GRM6: variants seen among roughly 807,000 people sequenced by gnomAD.
GRM6 encodes the protein metabotropic glutamate receptor 6.
A neutral mutation model predicts 78.4 loss-of-function variants in GRM6; 73 were observed. That is an observed-to-expected ratio of 0.93 (90% CI 0.77 to 1.13). The LOEUF (loss-of-function observed/expected upper bound fraction) is 1.13. GRM6 is among the 50% of genes most tolerant of loss of function. The probability of loss-of-function intolerance (pLI) is 0.00; values close to 1 mark genes in which losing one functional copy is unlikely to be tolerated. For missense variants in GRM6, 1,251 were observed against 1,256.4 expected (o/e 1.00, Z 0.07); for synonymous variants, 580 against 555.0 (o/e 1.05, Z -0.63).
In GRM6 at chr5:178,983,252, C is replaced by T. The variant is rs770654927; in HGVS notation, c.2125-31G>A. Reference sequence around the variant, plus strand: ...GGAGCCAACACTGCATCAGACACAGCACTTTCCAGGGACAAATCCATTCCA... The same window carrying T: ...GGAGCCAACACTGCATCAGACACAGTACTTTCCAGGGACAAATCCATTCCA... On this transcript the variant is annotated intron_variant, in intron 9 of 10. Transcript: ENST00000517717. 3.8e-6 allele frequency: 6 copies of T among 1,585,294 alleles called. No individual in the cohort carries two copies. The Admixed American group carries it at 8.3e-5, about 22-fold the overall frequency.
chr5:178,983,182 G>A lies in GRM6; in HGVS notation c.2164C>T (p.His722Tyr), dbSNP rs1423369858. 1.2e-6 allele frequency: 2 copies of A among 1,613,280 alleles called. No homozygotes were observed. The highest frequency in any genetic ancestry group is 1.3e-5 in the African/African-American group (1 of 74,940). Residue 722 changes from histidine (H) to tyrosine (Y), a missense_variant, in exon 10 of 11, where the codon CAC becomes TAC. Transcript: ENST00000517717. ...TGTTCCTCATAGTCAATCACGCTGT[G>A]TGGGGGCCGGGCCCCCAGCCATGCT... The part of the protein sequence containing the change: ...MIAWLGARPP[H>Y]SVIDYEEQRT...
rs1045899237 is a variant in GRM6, at chr5:178,988,329, C to A, written c.1354+606G>T. ...TGGAATTGATTAGCAGAGAGCATGGCGGAGAGAAGGTGGTGAGTGAGTGTT... is the reference window on the plus strand; with the variant it reads ...TGGAATTGATTAGCAGAGAGCATGGAGGAGAGAAGGTGGTGAGTGAGTGTT... On this transcript the variant is annotated intron_variant, in intron 7 of 10. Coordinates refer to ENST00000517717, the MANE Select transcript of GRM6 (RefSeq NM_000843.4). The surrounding 1 kb of genome is among the most constrained non-coding windows in gnomAD (Gnocchi z 6.0). Among the ~76,000 whole-genome samples the A allele has an allele frequency of 6.6e-6, 1 of 152,090 alleles. No individual in the cohort carries two copies. Among genetic ancestry groups the A allele is most frequent in the African/African-American group, 2.4e-5 (1 of 41,398 alleles).
In GRM6 at chr5:178,983,351, G is replaced by A. The variant is rs541571443; in HGVS notation, c.2125-130C>T. 2.3e-4 allele frequency: 191 copies of A among 823,140 alleles called. 1 individual carries two copies. The Middle Eastern group carries it at 2.4e-3, about 10-fold the overall frequency. 51.0% of individuals were successfully genotyped at this position (823,140 alleles called of 1,614,324 possible). On this transcript the variant is annotated intron_variant, in intron 9 of 10. Coordinates refer to ENST00000517717, the MANE Select transcript of GRM6 (RefSeq NM_000843.4). The stretch of plus-strand genomic sequence containing the variant: ...TATGGAGGGGATGCTCCACCTCTTC[G>A]TGGTGGCTCTCAGGAGCACTCAGTG...
In GRM6 at chr5:178,994,654, G is replaced by C; in HGVS notation, c.291C>G (p.Asp97Glu). 1 of 1,466,252 alleles carries C rather than the reference G, an allele frequency of 6.8e-7. No homozygotes were observed. Among genetic ancestry groups the C allele is most frequent in the Non-Finnish European group, 9.0e-7 (1 of 1,111,928 alleles). 90.8% of individuals were successfully genotyped at this position (1,466,252 alleles called of 1,614,324 possible). A position where few individuals can be genotyped will look rare whatever the true frequency, so the allele number is the denominator to read the frequency against. Residue 97 changes from aspartate (D) to glutamate (E), a missense_variant, in exon 2 of 11, where the codon GAC (aspartate) becomes GAG (glutamate). Coordinates refer to ENST00000517717, the MANE Select transcript of GRM6 (RefSeq NM_000843.4). ...PGVRLGARLL[D>E]TCSRDTYALE... Reference sequence around the variant, plus strand: ...GCGCGTAGGTGTCCCGCGAGCAGGTGTCCAGCAGCCGCGCGCCCAGGCGCA... The same window carrying C: ...GCGCGTAGGTGTCCCGCGAGCAGGTCTCCAGCAGCCGCGCGCCCAGGCGCA...
Position 178,992,732 on chromosome 5 carries a change from A to G in GRM6, c.505-649T>C, listed in dbSNP as rs1237021739. ...ATGGGGCTCCAGCGCAAGAGGGGCT[A>G]TAGCAGGAGCTGGTGTGAAGGCCAG... On this transcript the variant is annotated intron_variant, in intron 2 of 10. Coordinates refer to ENST00000517717, the MANE Select transcript of GRM6 (RefSeq NM_000843.4). This position sits in a 1 kb window ranked among gnomAD's most constrained non-coding sequence, Gnocchi z 4.9. 6.6e-6 allele frequency among the ~76,000 whole-genome samples: 1 copy of G among 151,956 alleles called. No individual in the cohort carries two copies. The highest frequency in any genetic ancestry group is 2.4e-5 in the African/African-American group (1 of 41,348).
chr5:178,989,241 C>T, intron 6 of GRM6, 24 bp downstream of exon 6: 2 of 1,526,450 alleles, frequency 1.3e-6, no homozygotes, highest in Non-Finnish European at 9.1e-7. Context: ...CCTCCCCACC[C>T]TCACCACCCT....
rs1242522591 is a variant in GRM6 at position 178,981,956 on chromosome 5, TG to T, written c.2437-103del. The T allele has an allele frequency of 1.1e-5, 9 of 851,752 alleles. No individual in the cohort carries two copies. The highest frequency in any genetic ancestry group is 1.6e-5 in the Non-Finnish European group (8 of 490,840). The allele number at this position is 851,752 out of a possible 1,614,324, so 52.8% of individuals were successfully genotyped here. A position where few individuals can be genotyped will look rare whatever the true frequency, so the allele number is the denominator to read the frequency against. Reference sequence around the variant, plus strand: ...ACTCTGGAGCTGAGTCTGTTTCAGTTGGGGAACTGGGAATGAGCACTTAGAC... The same window carrying T: ...ACTCTGGAGCTGAGTCTGTTTCAGTTGGGAACTGGGAATGAGCACTTAGAC... On this transcript the variant is annotated intron_variant, in intron 10 of 10. Coordinates refer to ENST00000517717, the MANE Select transcript of GRM6 (RefSeq NM_000843.4). This position sits in a 1 kb window ranked among gnomAD's most constrained non-coding sequence, Gnocchi z 5.1.
rs76858942 is a variant in GRM6, at chr5:178,980,592, G to A, written c.*1065C>T. 0.036 allele frequency: 5,544 copies of A among 154,180 alleles called. 182 individuals are homozygous for A. The highest frequency in any genetic ancestry group is 0.15 in the East Asian group (749 of 5,158). 9.6% of individuals were successfully genotyped at this position (154,180 alleles called of 1,614,324 possible). On this transcript the variant is annotated 3_prime_UTR_variant, in exon 11 of 11. Transcript: ENST00000517717. The surrounding 1 kb of genome is among the most constrained non-coding windows in gnomAD (Gnocchi z 4.3). ...TTCTCACATCACTAACATTACACAC[G>A]TGTATCTGAATTTCTTCAGGTTTGG...
At position 178,988,871 on chromosome 5, in the gene GRM6, C is replaced by T; in HGVS notation, c.1354+64G>A. 1 of 1,393,164 alleles carries T rather than the reference C, an allele frequency of 7.2e-7. No individual in the cohort carries two copies. Among genetic ancestry groups the T allele is most frequent in the Non-Finnish European group, 1.0e-6 (1 of 992,510 alleles). 86.3% of individuals were successfully genotyped at this position (1,393,164 alleles called of 1,614,324 possible). On this transcript the variant is annotated intron_variant, in intron 7 of 10. Transcript: ENST00000517717. This position sits in a 1 kb window ranked among gnomAD's most constrained non-coding sequence, Gnocchi z 6.0. ...CTTCCACCCTGAGGTTGTCCCAGGC[C>T]TCACAGCAAAATCCAGCCCCCCAGC...
In GRM6 at chr5:178,986,698, C is replaced by G; in HGVS notation, c.1556G>C (p.Ser519Thr). 6.2e-7 allele frequency: 1 copy of G among 1,604,684 alleles called. No homozygotes were observed. The highest frequency in any genetic ancestry group is 8.5e-7 in the Non-Finnish European group (1 of 1,179,816). Residue 519 changes from serine to threonine, a missense_variant, in exon 9 of 11, where the codon AGC becomes ACC. By Grantham distance (58) the Ser-to-Thr change is moderately conservative. Coordinates refer to ENST00000517717, the MANE Select transcript of GRM6 (RefSeq NM_000843.4). ...CCGCTCCCCCGGCCCGCAGGGCAGG[C>G]TGCACAGAGACGAGGGCACCTCGTG... is the stretch of plus-strand genomic sequence containing the variant. ...DPHEVPSSLCSLPCGPGERKK... is the reference protein window; with the variant it reads ...DPHEVPSSLCTLPCGPGERKK...
At position 178,981,494 on chromosome 5, in the gene GRM6, G is replaced by C. The variant is rs556335446; in HGVS notation, c.*163C>G. The C allele has an allele frequency of 4.0e-4, 245 of 609,326 alleles. No homozygotes were observed. The highest frequency in any genetic ancestry group is 3.9e-3 in the African/African-American group (212 of 54,116). The allele number at this position is 609,326 out of a possible 1,614,324, so 37.7% of individuals were successfully genotyped here. On this transcript the variant is annotated 3_prime_UTR_variant, in exon 11 of 11. Coordinates refer to ENST00000517717, the MANE Select transcript of GRM6 (RefSeq NM_000843.4). The surrounding 1 kb of genome is among the most constrained non-coding windows in gnomAD (Gnocchi z 5.1). ...ACATGCTGGAATCGGGGTAGAGCTG[G>C]GTCCAGTTCCTTCTCAAGGCCAGCC...
At chr5:178,986,789 T>C (rs1239159512) in intron 8 of GRM6, 36 bp from the exon 9 acceptor site, 11 of 1,611,572 alleles carry the variant, frequency 6.8e-6, no homozygotes, top group Non-Finnish European at 9.3e-6. Flanking sequence ...GGCGTCTGCC[T>C]CCGGGATCCT....
At chr5:178,983,427 CA>C (rs1409501482) in intron 9 of GRM6, 1 of 701,064 alleles carries the variant, frequency 1.4e-6, no homozygotes. Flanking sequence ...GGGGTCCGTC[CA>C]AAGGCCCGTG....
intron 5 of GRM6, among the ~76,000 whole-genome samples, 182 bp downstream of exon 5, chr5:178,990,410 G>T (rs746833407): frequency 6.6e-6 from 1 of 152,236 alleles, no homozygotes; most frequent in African/African-American, 2.4e-5. Context: ...TTCCTCGCAC[G>T]CCATCCCAGT....
In GRM6 at chr5:178,989,337, A is replaced by G. The variant is rs769552577; in HGVS notation, c.1081T>C (p.Trp361Arg). 5.0e-6 allele frequency: 8 copies of G among 1,613,260 alleles called. No homozygotes were observed. The highest frequency in any genetic ancestry group is 5.9e-6 in the Non-Finnish European group (7 of 1,179,942). The change falls in exon 6 of 11, where the codon TGG becomes CGG. Residue 361 changes from tryptophan to arginine, a missense_variant. Trp to Arg is a moderately radical substitution (Grantham distance 101). Transcript: ENST00000517717. The stretch of plus-strand genomic sequence containing the variant: ...AGTTTGCAGTTAAAATTCTCTTCCC[A>G]GAACTCGGCGAACCAGATGTTCCTG... ...NRRNIWFAEF[W>R]EENFNCKLTS...
chr5:178,989,047 G>A lies in GRM6; in HGVS notation c.1242C>T (p.Ala414=). The A allele has an allele frequency of 6.2e-7, 1 of 1,614,036 alleles. No individual in the cohort carries two copies. The highest frequency in any genetic ancestry group is 2.2e-5 in the East Asian group (1 of 44,858). ...VIDAVYAIAH[A]LHSMHQALCP... is the part of the protein sequence containing the mutation. ...AGAGCGCCTGGTGCATGCTGTGGAG[G>A]GCGTGGGCAATGGCGTACACCGCAT... The change falls in exon 7 of 11, where the codon GCC becomes GCT. Residue 414 remains alanine, a synonymous_variant. Coordinates refer to ENST00000517717, the MANE Select transcript of GRM6 (RefSeq NM_000843.4).
intron 2 of GRM6, among the ~76,000 whole-genome samples, chr5:178,994,068 C>T (rs2113346774): frequency 6.6e-6 from 1 of 152,248 alleles, no homozygotes; most frequent in Middle Eastern, 3.4e-3. Flanking sequence ...TCGAGCGCTC[C>T]GCAGGCCCAG....
At position 178,992,149 on chromosome 5, in the gene GRM6, G is replaced by A. The variant is rs1581898751; in HGVS notation, c.505-66C>T. ...AGTAACTCAAGAGAGGGAGGGTAAG[G>A]GGGGCCCAGGACACGGACGGGGCAC... On this transcript the variant is annotated intron_variant, in intron 2 of 10. Coordinates refer to ENST00000517717, the MANE Select transcript of GRM6 (RefSeq NM_000843.4). The surrounding 1 kb of genome is among the most constrained non-coding windows in gnomAD (Gnocchi z 4.9). 2 of 1,096,152 alleles carry A rather than the reference G, an allele frequency of 1.8e-6. No individual in the cohort carries two copies. The allele number at this position is 1,096,152 out of a possible 1,614,324, so 67.9% of individuals were successfully genotyped here.
chr5:178,988,784 G>C lies in GRM6; in HGVS notation c.1354+151C>G, dbSNP rs1760613777. ...TGTTAAAAATTGGGGACCGGAACTT[G>C]TCTCATGTCTTTGGCACTCAGCCCC... On this transcript the variant is annotated intron_variant, in intron 7 of 10. Coordinates refer to ENST00000517717, the MANE Select transcript of GRM6 (RefSeq NM_000843.4). The surrounding 1 kb of genome is among the most constrained non-coding windows in gnomAD (Gnocchi z 6.0). 1.5e-6 allele frequency: 1 copy of C among 661,130 alleles called. No individual in the cohort carries two copies. The highest frequency in any genetic ancestry group is 2.7e-6 in the Non-Finnish European group (1 of 366,128). 41.0% of individuals were successfully genotyped at this position (661,130 alleles called of 1,614,324 possible).
Sources: gnomAD v4.1 joint callset for allele counts (sites outside exome capture counted in the v4.1 genomes callset) on GRCh38, gnomAD v4.1.1 for gene constraint, Gnocchi (gnomAD v3.1) non-coding constraint, MANE v1.5 for transcripts, NCBI Gene and HGNC (gene_info 2026-07-23, HGNC 2026-07-21) for gene names.